ERG: variants seen among roughly 807,000 people sequenced by gnomAD.
ERG encodes ETS transcription factor ERG.
Under a neutral mutation model 55.3 loss-of-function variants are expected in ERG, and 9 were observed. That is an observed-to-expected ratio of 0.16 (90% CI 0.10 to 0.28). ERG has a LOEUF of 0.28. Ranked by LOEUF, ERG falls within the 10% of genes least tolerant of loss-of-function variation. The pLI, the probability that ERG is intolerant of heterozygous loss-of-function variation, is 1.00. For synonymous variants in ERG, 223 were observed against 237.3 expected (o/e 0.94, Z 0.55); for missense variants, 434 against 631.6 (o/e 0.69, Z 3.35).
At chr21:38,583,760 C>G (rs995621840) in intron 1 of ERG, among the ~76,000 whole-genome samples, 2 of 152,136 alleles carry the variant, frequency 1.3e-5, no homozygotes, top group African/African-American at 4.8e-5. Flanking sequence ...TAAAGACAGA[C>G]CTGTATAGAA....
At chr21:38,641,268 A>G (rs1043068122) in intron 1 of ERG, among the ~76,000 whole-genome samples, 3 of 152,152 alleles carry the variant, frequency 2.0e-5, no homozygotes, top group Admixed American at 1.3e-4. Context: ...TATAAAAGGG[A>G]CCAGAGAGAG....
At chr21:38,431,894 A>T (rs1569095002) in intron 2 of ERG, among the ~76,000 whole-genome samples, 3 of 152,216 alleles carry the variant, frequency 2.0e-5, no homozygotes, top group African/African-American at 7.2e-5. Context: ...CAGTGCTCAC[A>T]TGCTGCAGCC....
chr21:38,513,313 A>G (rs1374900484), intron 2 of ERG, among the ~76,000 whole-genome samples: 1 of 152,126 alleles, frequency 6.6e-6, no homozygotes, highest in East Asian at 1.9e-4. Context: ...AGAAACTAGG[A>G]CAAAAGAAAT....
In ERG at chr21:38,568,799, T is replaced by A. The variant is rs2059938914; in HGVS notation, c.-41+6863A>T. ...TGGAGGGTCCAACTTCAGGCATCTG[T>A]ACTCGCCTGCTACAGGTGAGTGGAC... On this transcript the variant is annotated intron_variant, in intron 2 of 8. Transcript: ENST00000398897. Among the ~76,000 whole-genome samples, 3 of 152,308 alleles carry A rather than the reference T, an allele frequency of 2.0e-5. No homozygotes were observed. The South Asian group carries it at 6.2e-4, about 32-fold the overall frequency.
chr21:38,575,745 C>G (rs371363525), exon 2 of ERG: 2 of 1,612,342 alleles, frequency 1.2e-6, no homozygotes, highest in South Asian at 2.2e-5. Flanking sequence ...CAGAACCTGA[C>G]GGCTAGAAGA....
intron 1 of ERG, among the ~76,000 whole-genome samples, chr21:38,657,315 C>A (rs772580336): frequency 6.6e-6 from 1 of 152,174 alleles, no homozygotes; most frequent in Admixed American, 6.5e-5. Flanking sequence ...GTTTCTCATA[C>A]GCAATCAGGG....
chr21:38,455,874 C>T (rs939736346), intron 1 of ERG, among the ~76,000 whole-genome samples: 1 of 150,054 alleles, frequency 6.7e-6, no homozygotes, highest in Non-Finnish European at 1.5e-5. Flanking sequence ...ACGGTCCCCC[C>T]CCTCCCCACA....
At chr21:38,497,780 T>C (rs896593585) in intron 1 of ERG, among the ~76,000 whole-genome samples, 2 of 152,310 alleles carry the variant, frequency 1.3e-5, no homozygotes, top group African/African-American at 2.4e-5. Flanking sequence ...GATAAACATA[T>C]AGTGGAACAA....
At chr21:38,653,822 C>T (rs2060502349) in intron 1 of ERG, among the ~76,000 whole-genome samples, 1 of 152,162 alleles carries the variant, frequency 6.6e-6, no homozygotes, top group Non-Finnish European at 1.5e-5. Flanking sequence ...TTAATAGATG[C>T]TCAATATATT....
In ERG at chr21:38,383,679, G is replaced by A; in HGVS notation, c.1164C>T (p.Tyr388=). 6.2e-7 allele frequency: 1 copy of A among 1,614,190 alleles called. No homozygotes were observed. The highest frequency in any genetic ancestry group is 8.5e-7 in the Non-Finnish European group (1 of 1,180,036). Residue 388 remains tyrosine (Y), a synonymous_variant, in exon 10 of 10, where the codon TAC becomes TAT. Transcript: ENST00000288319. The surrounding 1 kb of genome is among the most constrained non-coding windows in gnomAD (Gnocchi z 5.7). ...MTKVHGKRYA[Y]KFDFHGIAQA... is the part of the protein sequence containing the mutation. ...GGGCGATCCCGTGGAAGTCGAACTT[G>A]TAGGCGTAGCGCTTCCCATGGACCT...
chr21:38,558,143 C>T (rs372504554), intron 2 of ERG, among the ~76,000 whole-genome samples: 1 of 151,898 alleles, frequency 6.6e-6, no homozygotes, highest in East Asian at 1.9e-4. Flanking sequence ...CTGAGGGTGG[C>T]CCCAAACCTG....
intron 2 of ERG, among the ~76,000 whole-genome samples, chr21:38,556,264 G>C (rs1396234477): frequency 2.0e-5 from 3 of 152,120 alleles, no homozygotes; most frequent in African/African-American, 7.2e-5. Flanking sequence ...TGGAAAAATA[G>C]ACTGGAAATA....
intron 2 of ERG, among the ~76,000 whole-genome samples, chr21:38,441,894 G>T (rs1023650198): frequency 6.6e-6 from 1 of 152,202 alleles, no homozygotes; most frequent in South Asian, 2.1e-4. Context: ...TTCATGAACA[G>T]CACCTGCCAA....
chr21:38,522,749 T>A (rs1041071542), intron 2 of ERG, among the ~76,000 whole-genome samples: 1 of 152,190 alleles, frequency 6.6e-6, no homozygotes, highest in Non-Finnish European at 1.5e-5. Context: ...TAAATCAATT[T>A]CAGATTAGAT....
chr21:38,538,753 T>A (rs2146789906), intron 2 of ERG, among the ~76,000 whole-genome samples: 1 of 152,182 alleles, frequency 6.6e-6, no homozygotes, highest in South Asian at 2.1e-4. Context: ...CTTGTGCTTG[T>A]TACCTGGAAT....
intron 1 of ERG, among the ~76,000 whole-genome samples, chr21:38,465,313 C>T (rs1036660170): frequency 1.7e-4 from 26 of 152,110 alleles, no homozygotes; most frequent in African/African-American, 5.6e-4. Context: ...GAAAAGACTA[C>T]ATATTATATG....
intron 1 of ERG, among the ~76,000 whole-genome samples, chr21:38,652,397 T>C (rs1251975050): frequency 2.6e-5 from 4 of 152,196 alleles, no homozygotes; most frequent in Non-Finnish European, 5.9e-5. Flanking sequence ...ATACTCTACC[T>C]TGTTCCCAAA....
Position 38,629,401 on chromosome 21 carries a change from T to C in ERG, c.-150+32257A>G, listed in dbSNP as rs556134537. ...GTGTATTAGTTAAAATCCATTTTAGTTGCAAGTGACAGAAGATAACATTGA... is the reference window on the plus strand; with the variant it reads ...GTGTATTAGTTAAAATCCATTTTAGCTGCAAGTGACAGAAGATAACATTGA... On this transcript the variant is annotated intron_variant, in intron 1 of 10. Transcript: ENST00000398910. Among the ~76,000 whole-genome samples the C allele has an allele frequency of 2.6e-5, 4 of 152,322 alleles. No individual in the cohort carries two copies. In the East Asian group the frequency reaches 7.7e-4, roughly 29 times the overall value.
chr21:38,646,123 ATT>A (rs2060454795), intron 1 of ERG, among the ~76,000 whole-genome samples: 1 of 152,072 alleles, frequency 6.6e-6, no homozygotes. Context: ...TACTAAAAAT[ATT>A]AAAAAATCAG....
Sources: gnomAD v4.1 joint callset for allele counts (sites outside exome capture counted in the v4.1 genomes callset) on GRCh38, gnomAD v4.1.1 for gene constraint, Gnocchi (gnomAD v3.1) non-coding constraint, MANE v1.5 for transcripts, NCBI Gene and HGNC (gene_info 2026-07-23, HGNC 2026-07-21) for gene names.